Variants in NFIA observed in about 807,000 individuals in gnomAD.
NFIA encodes the protein nuclear factor I A.
NFIA carries 8 observed loss-of-function variants against 62.8 expected under a neutral mutation model. The ratio of observed to expected loss-of-function variants is 0.13; its 90% confidence interval spans 0.07 to 0.23. The LOEUF (loss-of-function observed/expected upper bound fraction) is 0.23. Ranked by LOEUF, NFIA falls within the 10% of genes least tolerant of loss-of-function variation. The pLI is 1.00. For synonymous variants in NFIA, 235 were observed against 238.1 expected (o/e 0.99, Z 0.12); for missense variants, 410 against 642.1 (o/e 0.64, Z 3.91).
rs559882703 is a variant in NFIA at position 61,216,267 on chromosome 1, C to T, written c.560-61253C>T. On this transcript the variant is annotated intron_variant, in intron 2 of 10. Coordinates refer to ENST00000403491, the MANE Select transcript of NFIA (RefSeq NM_001134673.4). ...TCATATCATCTTTGCCTGGAAGATG[C>T]ATCTGCATAGCTTCAGTAGTTTTTA... Among the ~76,000 whole-genome samples the T allele has an allele frequency of 3.3e-5, 5 of 152,256 alleles. No individual in the cohort carries two copies. In the South Asian group the frequency reaches 1.0e-3, roughly 32 times the overall value.
chr1:61,341,831 T>A (rs1055457230), intron 4 of NFIA, among the ~76,000 whole-genome samples: 22 of 152,194 alleles, frequency 1.4e-4, no homozygotes, highest in African/African-American at 5.3e-4. Context: ...CCTCAACTTT[T>A]TAATGGTGGA....
chr1:61,105,960 A>T (rs202179501), intron 2 of NFIA, among the ~76,000 whole-genome samples: 1 of 133,512 alleles, frequency 7.5e-6, no homozygotes, highest in African/African-American at 3.3e-5. Context: ...TCACTTGGTT[A>T]AAAAAAAATT....
intron 3 of NFIA, among the ~76,000 whole-genome samples, chr1:61,299,980 T>C (rs745996152): frequency 1.3e-5 from 2 of 152,100 alleles, no homozygotes; most frequent in Non-Finnish European, 2.9e-5. Context: ...TGAGGGTTTG[T>C]GAGTATATCC....
chr1:61,395,274 C>CTGTG (rs530073174), intron 7 of NFIA, among the ~76,000 whole-genome samples: 2 of 145,340 alleles, frequency 1.4e-5, no homozygotes, highest in African/African-American at 5.1e-5. Context: ...TGCTTATTTT[C>CTGTG]TGTGTGTGTG....
chr1:61,128,253 T>C (rs334735), intron 2 of NFIA, among the ~76,000 whole-genome samples: 117,669 of 152,016 alleles, frequency 0.77, 46,488 homozygotes, highest in Middle Eastern at 0.87. Flanking sequence ...CAAGCCCTAA[T>C]ACATTTAATA....
intron 6 of NFIA, among the ~76,000 whole-genome samples, chr1:61,366,638 T>A (rs930731890): frequency 1.3e-5 from 2 of 152,172 alleles, no homozygotes; most frequent in African/African-American, 4.8e-5. Context: ...ATTAAGTACT[T>A]TAGGCCGAGC....
intron 2 of NFIA, among the ~76,000 whole-genome samples, chr1:61,172,446 A>G (rs2100550236): frequency 6.6e-6 from 1 of 152,350 alleles, no homozygotes; most frequent in East Asian, 1.9e-4. Context: ...TTGATGCATA[A>G]CAGAGTTGAT....
chr1:61,310,107 T>TA (rs1660017874), intron 3 of NFIA, among the ~76,000 whole-genome samples: 1 of 152,220 alleles, frequency 6.6e-6, no homozygotes, highest in Non-Finnish European at 1.5e-5. Flanking sequence ...GTTGCTCAGT[T>TA]AAGATGTATC....
intron 9 of NFIA, among the ~76,000 whole-genome samples, chr1:61,417,359 G>A (rs1339795317): frequency 1.4e-5 from 2 of 142,480 alleles, no homozygotes; most frequent in Non-Finnish European, 3.1e-5. Context: ...CACATTTTAT[G>A]CCTTTTCGTA....
In NFIA at chr1:61,082,678, CT is replaced by C; in HGVS notation, c.-113del. 6.8e-7 allele frequency: 1 copy of C among 1,470,884 alleles called. No homozygotes were observed. Among genetic ancestry groups the C allele is most frequent in the Middle Eastern group, 1.8e-4 (1 of 5,700 alleles). The allele number at this position is 1,470,884 out of a possible 1,614,324, so 91.1% of individuals were successfully genotyped here. A position where few individuals can be genotyped will look rare whatever the true frequency, so the allele number is the denominator to read the frequency against. ...GATTTTTTTTTCTCCCCCCTTCTCT[CT>C]CTCTCTCTCTCTCTCTCTTCCTCTC... On this transcript the variant is annotated 5_prime_UTR_variant, in exon 1 of 11. Coordinates refer to ENST00000403491, the MANE Select transcript of NFIA (RefSeq NM_001134673.4).
At chr1:61,249,667 C>T (rs1327522668) in intron 2 of NFIA, among the ~76,000 whole-genome samples, 5 of 151,928 alleles carry the variant, frequency 3.3e-5, no homozygotes, top group South Asian at 4.2e-4. Flanking sequence ...TAGCTGGGCG[C>T]GGTGGCAGTC....
chr1:61,163,621 G>C (rs1484270319), intron 2 of NFIA, among the ~76,000 whole-genome samples: 1 of 152,068 alleles, frequency 6.6e-6, no homozygotes, highest in East Asian at 1.9e-4. Context: ...AGCGAAATTG[G>C]TGTGCCTGTT....
At chr1:61,342,724 C>T (rs1228461901) in intron 4 of NFIA, among the ~76,000 whole-genome samples, 1 of 152,180 alleles carries the variant, frequency 6.6e-6, no homozygotes, top group African/African-American at 2.4e-5. Context: ...TCTATTTAAA[C>T]GTGTTGAATA....
intron 2 of NFIA, among the ~76,000 whole-genome samples, chr1:61,089,631 A>G (rs1346259718): frequency 6.6e-6 from 1 of 151,712 alleles, no homozygotes; most frequent in Admixed American, 6.6e-5. Context: ...CAGATGGAAG[A>G]AAGAGGGTTG....
chr1:61,278,440 G>T (rs561859019), intron 3 of NFIA, among the ~76,000 whole-genome samples: 7 of 152,222 alleles, frequency 4.6e-5, no homozygotes, highest in East Asian at 1.9e-4. Flanking sequence ...TGAGGACTCT[G>T]GTGGAATGCT....
At chr1:61,257,946 T>C (rs896958929) in intron 2 of NFIA, among the ~76,000 whole-genome samples, 1 of 148,930 alleles carries the variant, frequency 6.7e-6, no homozygotes. Context: ...TAAATGATGC[T>C]CTCATCTTGG....
rs905782718 is a variant in NFIA at position 61,375,731 on chromosome 1, C to T, written c.947-7506C>T. Among the ~76,000 whole-genome samples the T allele has an allele frequency of 3.9e-4, 60 of 152,200 alleles. 1 individual carries two copies. Among genetic ancestry groups the T allele is most frequent in the African/African-American group, 1.4e-3 (57 of 41,530 alleles). On this transcript the variant is annotated intron_variant, in intron 6 of 10. Coordinates refer to ENST00000403491, the MANE Select transcript of NFIA (RefSeq NM_001134673.4). ...CTTTCTGCCTGTCTGCTGGACCATT[C>T]CCATCAGTAGACAAGCATGCTGGAC...
intron 2 of NFIA, among the ~76,000 whole-genome samples, chr1:61,117,600 C>G (rs766201100): frequency 2.2e-4 from 34 of 152,130 alleles, no homozygotes; most frequent in Admixed American, 7.9e-4. Context: ...CTATACAGCA[C>G]CTATTTTTGT....
chr1:61,305,995 A>G (rs898056886), intron 3 of NFIA, among the ~76,000 whole-genome samples: 2 of 151,788 alleles, frequency 1.3e-5, no homozygotes, highest in African/African-American at 4.8e-5. Flanking sequence ...CTACAGGCAC[A>G]CACCACCACG....
Sources: gnomAD v4.1 joint callset for allele counts (sites outside exome capture counted in the v4.1 genomes callset) on GRCh38, gnomAD v4.1.1 for gene constraint, MANE v1.5 for transcripts, NCBI Gene and HGNC (gene_info 2026-07-23, HGNC 2026-07-21) for gene names.